CCDC171: variants seen among roughly 807,000 people sequenced by gnomAD.
CCDC171 encodes coiled-coil domain containing 171.
Under a neutral mutation model 168.2 loss-of-function variants are expected in CCDC171, and 177 were observed. That is an observed-to-expected ratio of 1.05 (90% CI 0.93 to 1.19). The LOEUF (loss-of-function observed/expected upper bound fraction) is 1.19. Among genes scored for constraint, CCDC171 ranks in the 50% most tolerant of loss-of-function variants. CCDC171 has a pLI of 0.00. For synonymous variants in CCDC171, 687 were observed against 540.8 expected, an observed-to-expected ratio of 1.27 and a Z score of -3.75; for missense variants, 1,991 against 1,539.0, an observed-to-expected ratio of 1.29 and a Z score of -4.91.
At chr9:15,866,510 A>G (rs2061794037) in intron 23 of CCDC171, among the ~76,000 whole-genome samples, 1 of 152,042 alleles carries the variant, frequency 6.6e-6, no homozygotes, top group Non-Finnish European at 1.5e-5. Context: ...CTGGGAATAC[A>G]GAAAGCAGCC....
intron 1 of CCDC171, among the ~76,000 whole-genome samples, chr9:16,058,578 G>A (rs1361134742): frequency 6.6e-6 from 1 of 152,208 alleles, no homozygotes; most frequent in Non-Finnish European, 1.5e-5. Context: ...ACTTTGCAAG[G>A]TGTATTTCAG....
intron 21 of CCDC171, among the ~76,000 whole-genome samples, chr9:15,832,498 G>A (rs952408321): frequency 6.6e-6 from 1 of 152,172 alleles, no homozygotes; most frequent in Non-Finnish European, 1.5e-5. Flanking sequence ...TGTACAGAAT[G>A]TTACTATACT....
At position 15,751,867 on chromosome 9, in the gene CCDC171, T is replaced by A. The variant is rs2134855969; in HGVS notation, c.2671+6236T>A. Among the ~76,000 whole-genome samples the A allele has an allele frequency of 3.3e-5, 5 of 152,146 alleles. No individual in the cohort carries two copies. In the South Asian group the frequency reaches 1.0e-3, roughly 32 times the overall value. On this transcript the variant is annotated intron_variant, in intron 18 of 25. Coordinates refer to ENST00000380701, the MANE Select transcript of CCDC171 (RefSeq NM_173550.4). ...GGCATGGGCAAAGACTTCATGACTA[T>A]AACACCAAAAGCAATGGCAACAAAA...
At chr9:15,903,974 G>C (rs1336163125) in intron 24 of CCDC171, among the ~76,000 whole-genome samples, 1 of 152,130 alleles carries the variant, frequency 6.6e-6, no homozygotes, top group African/African-American at 2.4e-5. Flanking sequence ...GAAGTTTAGA[G>C]AAAACAGAAT....
Position 15,657,162 on chromosome 9 carries a change from C to T in CCDC171, c.858C>T (p.Asn286=). The T allele has an allele frequency of 1.9e-6, 3 of 1,610,514 alleles. No homozygotes were observed. The highest frequency in any genetic ancestry group is 1.1e-5 in the South Asian group (1 of 90,850). The change falls in exon 8 of 26, where the codon AAC becomes AAT. Residue 286 remains asparagine (N), a synonymous_variant. Coordinates refer to ENST00000380701, the MANE Select transcript of CCDC171 (RefSeq NM_173550.4). ...TAAGAGTGAGGAAATTAGAAGAAAA[C>T]ATTGAAGCAGAAAGAGCAGCGCATT... ...TTLRVRKLEE[N]IEAERAAHLE...
At chr9:15,700,848 C>A (rs1461238493) in intron 11 of CCDC171, among the ~76,000 whole-genome samples, 1 of 151,972 alleles carries the variant, frequency 6.6e-6, no homozygotes, top group Non-Finnish European at 1.5e-5. Flanking sequence ...AATTTACATT[C>A]CCACCAACAA....
intron 1 of CCDC171, among the ~76,000 whole-genome samples, chr9:15,562,283 C>T (rs978703234): frequency 2.0e-5 from 3 of 152,088 alleles, no homozygotes; most frequent in African/African-American, 7.2e-5. Context: ...TGTGACCCAC[C>T]GCGCCTGGCC....
chr9:15,762,154 G>C (rs2056478916), intron 18 of CCDC171, among the ~76,000 whole-genome samples: 1 of 146,072 alleles, frequency 6.8e-6, no homozygotes, highest in Non-Finnish European at 1.5e-5. Flanking sequence ...AGAGCCTGAA[G>C]CTTTTTTTTT....
At chr9:15,647,680 T>A (rs915701221) in intron 7 of CCDC171, among the ~76,000 whole-genome samples, 5 of 151,926 alleles carry the variant, frequency 3.3e-5, no homozygotes, top group African/African-American at 9.7e-5. Flanking sequence ...ACATACACTC[T>A]CCCAAGACTA....
intron 11 of CCDC171, among the ~76,000 whole-genome samples, chr9:15,718,026 G>C (rs1248405125): frequency 2.0e-5 from 3 of 152,110 alleles, no homozygotes; most frequent in African/African-American, 4.8e-5. Context: ...CACCAAGTGG[G>C]TTCTTGGGGT....
intron 18 of CCDC171, among the ~76,000 whole-genome samples, chr9:15,753,157 G>T (rs1312491102): frequency 1.3e-5 from 2 of 152,106 alleles, no homozygotes; most frequent in South Asian, 4.1e-4. Context: ...GAGATGAAGA[G>T]ATACAGGCTT....
At chr9:16,077,437 C>A in the CCDC171 span, among the ~76,000 whole-genome samples, 56 of 152,256 alleles carry the variant, frequency 3.7e-4, no homozygotes, top group African/African-American at 1.3e-3. Flanking sequence ...AGAATACTTC[C>A]CTACTCCTTG....
intron 11 of CCDC171, among the ~76,000 whole-genome samples, chr9:15,717,384 A>G (rs1451470460): frequency 6.6e-6 from 1 of 152,194 alleles, no homozygotes; most frequent in Non-Finnish European, 1.5e-5. Flanking sequence ...AGGGTCCTAA[A>G]TAAACTTGAA....
chr9:15,724,269 G>A lies in CCDC171; in HGVS notation c.1492-507G>A, dbSNP rs115461532. On this transcript the variant is annotated intron_variant, in intron 13 of 25. Transcript: ENST00000380701. ...CTCTCAGAAGTTTCCCAGTATTGCT[G>A]GAATTTCATTATGTTGTTTCATGTT... Among the ~76,000 whole-genome samples the A allele has an allele frequency of 2.6e-3, 395 of 152,180 alleles. 2 individuals are homozygous for A. Among genetic ancestry groups the A allele is most frequent in the African/African-American group, 8.9e-3 (370 of 41,508 alleles).
At chr9:15,959,660 C>T (rs964060431) in intron 25 of CCDC171, among the ~76,000 whole-genome samples, 17 of 152,038 alleles carry the variant, frequency 1.1e-4, no homozygotes, top group Non-Finnish European at 1.6e-4. Flanking sequence ...CACCATTGTG[C>T]GGACTCTAGA....
At chr9:15,933,160 G>A (rs1342936973) in intron 25 of CCDC171, among the ~76,000 whole-genome samples, 2 of 151,902 alleles carry the variant, frequency 1.3e-5, no homozygotes, top group African/African-American at 2.4e-5. Flanking sequence ...AGTTTGAGTA[G>A]AATTTTTATT....
upstream of CCDC171, among the ~76,000 whole-genome samples, chr9:16,039,578 G>C (rs1214451676): frequency 6.6e-6 from 1 of 152,146 alleles, no homozygotes; most frequent in Non-Finnish European, 1.5e-5. Flanking sequence ...GAAGGTAGGT[G>C]GCGCTGTTCC....
At chr9:15,609,241 A>G (rs898715806) in intron 6 of CCDC171, among the ~76,000 whole-genome samples, 17 of 151,842 alleles carry the variant, frequency 1.1e-4, no homozygotes, top group African/African-American at 4.1e-4. Context: ...CTGGGATTAC[A>G]GGTGCCTGCC....
Position 15,777,052 on chromosome 9 carries a change from A to T in CCDC171, c.2672-548A>T, listed in dbSNP as rs180983320. On this transcript the variant is annotated intron_variant, in intron 18 of 25. Transcript: ENST00000380701. ...AGAGCACTGACAATTTTATTTATCA[A>T]CATTAAACACAATTATTAATTACAG... 9.8e-4 allele frequency among the ~76,000 whole-genome samples: 150 copies of T among 152,322 alleles called. 1 individual carries two copies. In the East Asian group the frequency reaches 0.023, roughly 23 times the overall value.
Sources: allele counts gnomAD v4.1 joint callset (sites outside exome capture counted in the v4.1 genomes callset), GRCh38; gene constraint gnomAD v4.1.1; transcripts MANE v1.5; gene names NCBI Gene and HGNC (gene_info 2026-07-23, HGNC 2026-07-21).